The following ZNF83 variants were observed in gnomAD, a reference collection of about 807,000 sequenced individuals.
ZNF83 encodes zinc finger protein 816B.
For missense variants in ZNF83, 552 were observed against 629.9 expected, an observed-to-expected ratio of 0.88 and a Z score of 1.32; for synonymous variants, 209 against 213.0, an observed-to-expected ratio of 0.98 and a Z score of 0.17.
intron 1 of ZNF83, among the ~76,000 whole-genome samples, chr19:52,665,698 T>C (rs1261123887): frequency 3.3e-5 from 5 of 152,146 alleles, no homozygotes; most frequent in Admixed American, 2.0e-4. Flanking sequence ...TCACTCTTTT[T>C]AAATTAGCCA....
chr19:52,689,512 C>T (rs1046614228), intron 1 of ZNF83, among the ~76,000 whole-genome samples: 12 of 152,152 alleles, frequency 7.9e-5, no homozygotes, highest in Admixed American at 3.9e-4. Flanking sequence ...CCCTCCTCCT[C>T]TCCCTCACCC....
chr19:52,677,977 G>A lies in ZNF83; in HGVS notation c.-283+12466C>T, dbSNP rs188410956. ...TTGAACCTGGGAGTCGGAGGTTGCA[G>A]TGAGCCAAGATTGCACCACTGCACT... On this transcript the variant is annotated intron_variant, in intron 1 of 5. Transcript: ENST00000594682. Among the ~76,000 whole-genome samples, 123 of 152,080 alleles carry A rather than the reference G, an allele frequency of 8.1e-4. 2 individuals carry two copies. Among genetic ancestry groups the A allele is most frequent in the African/African-American group, 2.7e-3 (113 of 41,410 alleles).
At chr19:52,614,835 A>T in intron 2 of ZNF83, 38 bp from the exon 3 acceptor site, 1 of 1,254,416 alleles carries the variant, frequency 8.0e-7, no homozygotes, top group Non-Finnish European at 1.0e-6. Flanking sequence ...CCAATTAATT[A>T]CAGATAGTCA....
At chr19:52,654,167 C>T in intron 3 of ZNF83, 4 of 1,603,636 alleles carry the variant, frequency 2.5e-6, no homozygotes, top group Admixed American at 3.3e-5. Flanking sequence ...TGCCTTTGAT[C>T]ACGTCGGTCT....
At chr19:52,626,991 C>T (rs1437604138) in intron 2 of ZNF83, among the ~76,000 whole-genome samples, 10 of 152,180 alleles carry the variant, frequency 6.6e-5, no homozygotes, top group Admixed American at 6.5e-4. Context: ...CCTGTCTTAA[C>T]TGATTGACCA....
chr19:52,631,076 T>G (rs1418074895), intron 2 of ZNF83, among the ~76,000 whole-genome samples: 2 of 144,130 alleles, frequency 1.4e-5, no homozygotes, highest in East Asian at 3.9e-4. Context: ...TCTCTTCGCT[T>G]TCACTTGGAC....
At chr19:52,619,363 C>T (rs1007193433) in intron 2 of ZNF83, among the ~76,000 whole-genome samples, 2 of 152,218 alleles carry the variant, frequency 1.3e-5, no homozygotes, top group African/African-American at 4.8e-5. Context: ...TGCTGTGGCT[C>T]ACGCCTGTAA....
rs559503158 is a variant in ZNF83 at position 52,648,462 on chromosome 19, G to A, written c.-74+7099C>T. Among the ~76,000 whole-genome samples, 1,215 of 151,962 alleles carry A rather than the reference G, an allele frequency of 8.0e-3. 13 individuals are homozygous for A. Among genetic ancestry groups the A allele is most frequent in the African/African-American group, 0.012 (510 of 41,488 alleles). On this transcript the variant is annotated intron_variant, in intron 3 of 5. Coordinates refer to the ZNF83 transcript ENST00000594682. ...AGAACAAAGTGAAGGAAAAAAAAAA[G>A]AGAGAGAGAGAGAAAGACAAATTCT...
intron 2 of ZNF83, among the ~76,000 whole-genome samples, chr19:52,623,306 T>G (rs2060615572): frequency 6.6e-6 from 1 of 152,080 alleles, no homozygotes; most frequent in Non-Finnish European, 1.5e-5. Flanking sequence ...CGTAAGTCCA[T>G]CCCCTGTTTA....
intron 1 of ZNF83, among the ~76,000 whole-genome samples, chr19:52,674,943 A>C (rs1258585893): frequency 6.6e-6 from 1 of 152,148 alleles, no homozygotes; most frequent in Non-Finnish European, 1.5e-5. Context: ...CTGGTCTAAA[A>C]CTTCTGACAT....
intron 3 of ZNF83, among the ~76,000 whole-genome samples, chr19:52,647,474 G>T (rs1029325927): frequency 2.0e-5 from 3 of 151,892 alleles, no homozygotes; most frequent in Non-Finnish European, 4.4e-5. Flanking sequence ...GAGATGGGGG[G>T]TCTCACTATG....
intron 2 of ZNF83, among the ~76,000 whole-genome samples, chr19:52,628,286 C>A (rs182990089): frequency 2.6e-5 from 4 of 152,280 alleles, no homozygotes. Flanking sequence ...CCACCTACGA[C>A]CTCAGGTCCT....
chr19:52,672,632 T>C (rs1202616536), intron 1 of ZNF83, among the ~76,000 whole-genome samples: 1 of 152,172 alleles, frequency 6.6e-6, no homozygotes, highest in Non-Finnish European at 1.5e-5. Flanking sequence ...TGAGTTTGGT[T>C]CTTGTTGCCT....
At chr19:52,657,846 T>TA (rs998581229) in intron 2 of ZNF83, among the ~76,000 whole-genome samples, 76 of 139,038 alleles carry the variant, frequency 5.5e-4, no homozygotes, top group East Asian at 6.3e-4. Flanking sequence ...AAACTCTGTC[T>TA]AAAAAAAAAA....
intron 2 of ZNF83, among the ~76,000 whole-genome samples, chr19:52,630,954 T>A (rs1329395633): frequency 6.7e-6 from 1 of 149,858 alleles, no homozygotes; most frequent in Non-Finnish European, 1.5e-5. Context: ...CACCCCATGG[T>A]GCCAAACCCA....
At chr19:52,640,844 T>A (rs114814544), upstream of ZNF83, among the ~76,000 whole-genome samples, 1,510 of 152,286 alleles carry the variant, frequency 9.9e-3, 28 homozygotes, top group African/African-American at 0.034. Flanking sequence ...CTACAACATG[T>A]TGTTTTATCT....
chr19:52,642,142 G>A (rs982238616), upstream of ZNF83, among the ~76,000 whole-genome samples: 8 of 152,040 alleles, frequency 5.3e-5, no homozygotes, highest in African/African-American at 1.7e-4. Flanking sequence ...ACAGAGGGAC[G>A]GGTTCTGTCC....
exon 3 of ZNF83, chr19:52,613,991 G>A: frequency 2.5e-6 from 4 of 1,613,516 alleles, no homozygotes; most frequent in Non-Finnish European, 3.4e-6. Context: ...TGTTGTGCAA[G>A]GTGTGAAATT....
chr19:52,631,561 T>C (rs1353782407), intron 2 of ZNF83, among the ~76,000 whole-genome samples: 1 of 152,226 alleles, frequency 6.6e-6, no homozygotes, highest in Non-Finnish European at 1.5e-5. Flanking sequence ...CCCTGGCTCC[T>C]TCAGCTGCAC....
Sources: gnomAD v4.1 joint callset for allele counts (sites outside exome capture counted in the v4.1 genomes callset) on GRCh38, gnomAD v4.1.1 for gene constraint, MANE v1.5 for transcripts, NCBI Gene and HGNC (gene_info 2026-07-23, HGNC 2026-07-21) for gene names.